CNPY3: variants seen among roughly 807,000 people sequenced by gnomAD.
The protein encoded by CNPY3 is canopy FGF signaling regulator 3, also known as protein canopy homolog 3.
CNPY3 carries 20 observed loss-of-function variants against 32.0 expected under a neutral mutation model. The ratio of observed to expected loss-of-function variants is 0.63; its 90% CI spans 0.44 to 0.91. CNPY3 has a LOEUF of 0.91. Ranked by LOEUF, CNPY3 falls within the 40% of genes least tolerant of loss-of-function variation. CNPY3 has a pLI of 0.00. For synonymous variants in CNPY3, 138 were observed against 142.9 expected (o/e 0.97, Z 0.24); for missense variants, 299 against 340.8 (o/e 0.88, Z 0.97).
chr6:42,937,649 C>T, intron 3 of CNPY3, 68 bp from the exon 4 acceptor site: 8 of 1,583,740 alleles, frequency 5.1e-6, no homozygotes, highest in Non-Finnish European at 6.0e-6. Context: ...TTCTTAGCCA[C>T]CACTGGGAGA....
At chr6:42,929,793 C>CG in intron 1 of CNPY3, 72 bp downstream of exon 1, 2 of 1,470,760 alleles carry the variant, frequency 1.4e-6, no homozygotes, top group Non-Finnish European at 1.8e-6. Context: ...TGCGGAGCAG[C>CG]GTCGGGGGTT....
rs781608684 is a variant in CNPY3, at chr6:42,938,120, G to A, written c.526G>A (p.Val176Met). ...CDVLVEEFEE[V>M]IEDWYRNHQE... ...TGTGCTGGTGGAAGAGTTTGAGGAG[G>A]TGATCGAGGACTGGTACAGGAACCA... The change falls in exon 5 of 6, where the codon GTG (valine) becomes ATG (methionine). Residue 176 changes from valine (V) to methionine (M), a missense_variant. Around this residue, in one of 2 missense-constraint regions of CNPY3, gnomAD observed 211 missense variants for 278.3 expected, o/e 0.76. Transcript: ENST00000372836. The A allele has an allele frequency of 1.2e-6, 2 of 1,614,122 alleles. No individual in the cohort carries two copies. The highest frequency in any genetic ancestry group is 4.5e-5 in the East Asian group (2 of 44,886).
At chr6:42,935,012 G>A (rs558522855) in intron 2 of CNPY3, among the ~76,000 whole-genome samples, 56 of 152,298 alleles carry the variant, frequency 3.7e-4, no homozygotes, top group African/African-American at 1.3e-3. Flanking sequence ...TTACAGGCAT[G>A]TGCCATCACG....
chr6:42,935,344 A>G, intron 2 of CNPY3: 1 of 826,106 alleles, frequency 1.2e-6, no homozygotes, highest in African/African-American at 1.8e-5. Flanking sequence ...ATACTGAATC[A>G]TTTAGCTTTA....
intron 1 of CNPY3, among the ~76,000 whole-genome samples, chr6:42,934,190 G>A (rs1768044466): frequency 6.6e-6 from 1 of 152,006 alleles, no homozygotes; most frequent in South Asian, 2.1e-4. Context: ...ATTGCTTAAG[G>A]GCAGGATTTA....
At position 42,938,820 on chromosome 6, in the gene CNPY3, C is replaced by A; in HGVS notation, c.*29C>A. Reference sequence around the variant, plus strand: ...CACCCAGCATCCTCTGTCCTGAGACCCCTGATTTTGAAGCTGAGGAGTCAG... The same window carrying A: ...CACCCAGCATCCTCTGTCCTGAGACACCTGATTTTGAAGCTGAGGAGTCAG... On this transcript the variant is annotated 3_prime_UTR_variant, in exon 6 of 6. Coordinates refer to ENST00000372836, the MANE Select transcript of CNPY3 (RefSeq NM_006586.5). 1 of 1,539,246 alleles carries A rather than the reference C, an allele frequency of 6.5e-7. No homozygotes were observed. Among genetic ancestry groups the A allele is most frequent in the South Asian group, 1.2e-5 (1 of 80,502 alleles).
At position 42,929,582 on chromosome 6, in the gene CNPY3, G is replaced by T. The variant is rs372019066; in HGVS notation, c.12G>T (p.Met4Ile). 7 of 1,576,638 alleles carry T rather than the reference G, an allele frequency of 4.4e-6. No individual in the cohort carries two copies. Among genetic ancestry groups the T allele is most frequent in the Non-Finnish European group, 6.0e-6 (7 of 1,161,824 alleles). ...GGCCCGGCCGGGCCATGGATTCAAT[G>T]CCTGAGCCCGCGTCCCGCTGTCTTC... is the stretch of plus-strand genomic sequence containing the variant. MDS[M>I]PEPASRCLLL... The change falls in exon 1 of 6, where the codon ATG (methionine) becomes ATT (isoleucine). Residue 4 changes from methionine to isoleucine, a missense_variant. Met to Ile is a conservative substitution (Grantham distance 10). This residue lies in a region of CNPY3 where 88 missense variants were observed against 62.5 expected (regional missense o/e 1.41). Coordinates refer to ENST00000372836, the MANE Select transcript of CNPY3 (RefSeq NM_006586.5).
chr6:42,935,226 AC>A (rs1385128895), intron 2 of CNPY3, among the ~76,000 whole-genome samples: 4 of 152,344 alleles, frequency 2.6e-5, no homozygotes, highest in African/African-American at 9.6e-5. Flanking sequence ...TTTGCTAGGT[AC>A]AAATATAGTT....
At chr6:42,935,490 T>G in intron 2 of CNPY3, 84 bp from the exon 3 acceptor site, 1 of 1,510,552 alleles carries the variant, frequency 6.6e-7, no homozygotes, top group South Asian at 1.3e-5. Context: ...TGTGCAGGTG[T>G]TGGGGCACAG....
upstream of CNPY3, chr6:42,929,044 A>G (rs1767544855): frequency 6.5e-6 from 1 of 153,024 alleles, no homozygotes; most frequent in Non-Finnish European, 1.5e-5. Flanking sequence ...CACAATACCA[A>G]TAATAAAATT....
chr6:42,936,205 C>T (rs754257030), intron 3 of CNPY3, among the ~76,000 whole-genome samples: 13 of 134,110 alleles, frequency 9.7e-5, no homozygotes, highest in Non-Finnish European at 2.0e-4. Flanking sequence ...GTGCCTGGCA[C>T]AGGGTAAGAT....
chr6:42,937,887 C>T, intron 4 of CNPY3, 48 bp downstream of exon 4: 1 of 1,611,216 alleles, frequency 6.2e-7, no homozygotes, highest in Non-Finnish European at 8.5e-7. Flanking sequence ...CAGTGAGGGG[C>T]TGGTGGGGAT....
chr6:42,929,490 A>T lies in CNPY3; in HGVS notation c.-81A>T. ...CTCGGAGGCACGTGTGCAGTCCCGG[A>T]AGCGGCGAGGGGAAACTGCTCCGCG... is the stretch of plus-strand genomic sequence containing the variant. On this transcript the variant is annotated 5_prime_UTR_variant, in exon 1 of 6. Transcript: ENST00000372836. 1 of 1,422,928 alleles carries T rather than the reference A, an allele frequency of 7.0e-7. No individual in the cohort carries two copies. The highest frequency in any genetic ancestry group is 2.6e-4 in the Middle Eastern group (1 of 3,902). 88.1% of individuals were successfully genotyped at this position (1,422,928 alleles called of 1,614,324 possible). A position where few individuals can be genotyped will look rare whatever the true frequency, so the allele number is the denominator to read the frequency against.
intron 1 of CNPY3, among the ~76,000 whole-genome samples, chr6:42,933,930 T>A (rs1224924785): frequency 6.6e-6 from 1 of 152,058 alleles, no homozygotes; most frequent in African/African-American, 2.4e-5. Context: ...CAGCACTTTG[T>A]GAGGCCGAGG....
In CNPY3 at chr6:42,939,241, G is replaced by C. The variant is rs914789982; in HGVS notation, c.*450G>C. On this transcript the variant is annotated 3_prime_UTR_variant, in exon 6 of 6. Transcript: ENST00000372836. ...TGCCTGGCCCTTCCCAGAGCCCAAA[G>C]AGTAAAAATGTTCTGGTTCTGATTT... 2 of 990,200 alleles carry C rather than the reference G, an allele frequency of 2.0e-6. No homozygotes were observed. The highest frequency in any genetic ancestry group is 2.4e-6 in the Non-Finnish European group (2 of 833,566). 61.3% of individuals were successfully genotyped at this position (990,200 alleles called of 1,614,324 possible). A position where few individuals can be genotyped will look rare whatever the true frequency, so the allele number is the denominator to read the frequency against.
intron 1 of CNPY3, among the ~76,000 whole-genome samples, chr6:42,932,609 G>T (rs958576634): frequency 7.9e-5 from 12 of 152,222 alleles, no homozygotes; most frequent in African/African-American, 4.8e-5. Flanking sequence ...CCTGGGGAGG[G>T]CGTGGGAGGA....
chr6:42,929,796 C>G, intron 1 of CNPY3, 75 bp downstream of exon 1: 4 of 1,469,610 alleles, frequency 2.7e-6, no homozygotes, highest in Non-Finnish European at 3.6e-6. Context: ...GGAGCAGCGT[C>G]GGGGGTTGCA....
chr6:42,929,411 C>CGGGCTG, upstream of CNPY3: 1 of 771,132 alleles, frequency 1.3e-6, no homozygotes, highest in South Asian at 1.9e-5. Flanking sequence ...GCTTTGAAGG[C>CGGGCTG]GGGCTGCGGC....
At position 42,939,276 on chromosome 6, in the gene CNPY3, C is replaced by T. The variant is rs1768447111; in HGVS notation, c.*485C>T. The T allele has an allele frequency of 3.0e-6, 3 of 986,594 alleles. No homozygotes were observed. Among genetic ancestry groups the T allele is most frequent in the Non-Finnish European group, 3.6e-6 (3 of 830,870 alleles). 61.1% of individuals were successfully genotyped at this position (986,594 alleles called of 1,614,324 possible). A position where few individuals can be genotyped will look rare whatever the true frequency, so the allele number is the denominator to read the frequency against. On this transcript the variant is annotated 3_prime_UTR_variant, in exon 6 of 6. Transcript: ENST00000372836. ...GTTCTGGTTCTGATTTCTGAGTCCT[C>T]TGCAGCCCTCAGAGGTGCCCTGGAG...
Sources: allele counts gnomAD v4.1 joint callset (sites outside exome capture counted in the v4.1 genomes callset), GRCh38; gene constraint gnomAD v4.1.1; regional missense constraint gnomAD v4.1.1; transcripts MANE v1.5; gene names NCBI Gene and HGNC (gene_info 2026-07-23, HGNC 2026-07-21).